Variants in PTK2 observed in about 807,000 individuals in gnomAD.
The protein encoded by PTK2 is focal adhesion kinase 1.
PTK2 carries 45 observed loss-of-function variants against 150.1 expected under a neutral mutation model. The ratio of observed to expected loss-of-function variants is 0.30; its 90% confidence interval spans 0.24 to 0.38. The LOEUF is 0.38. Ranked by LOEUF, PTK2 falls within the 10% of genes least tolerant of loss-of-function variation. PTK2 has a pLI of 1.00. For missense variants in PTK2, 919 were observed against 1,307.3 expected (o/e 0.70, Z 4.58); for synonymous variants, 432 against 449.2 (o/e 0.96, Z 0.48).
chr8:140,833,106 CAT>C (rs1479014212), intron 7 of PTK2: 1 of 516,284 alleles, frequency 1.9e-6, no homozygotes, highest in South Asian at 1.4e-5. Flanking sequence ...TGAAAGGAAG[CAT>C]ATGTTTTTTG....
chr8:140,968,009 CTTT>C (rs1006723441), intron 1 of PTK2, among the ~76,000 whole-genome samples: 1 of 152,140 alleles, frequency 6.6e-6, no homozygotes, highest in Non-Finnish European at 1.5e-5. Context: ...ACAAAAGCTT[CTTT>C]ATGCTTCAAA....
intron 23 of PTK2, among the ~76,000 whole-genome samples, chr8:140,710,101 G>A (rs192064955): frequency 9.2e-5 from 14 of 152,212 alleles, no homozygotes; most frequent in Admixed American, 2.6e-4. Context: ...ATTGCTTTGA[G>A]CTCAGGAGTT....
At chr8:140,672,210 A>T (rs759966410) in intron 29 of PTK2, 50 of 445,480 alleles carry the variant, frequency 1.1e-4, no homozygotes, top group Non-Finnish European at 2.1e-4. Context: ...TTCTTTTTTT[A>T]AAGAGATGGG....
intron 31 of PTK2, 35 bp downstream of exon 35, chr8:140,664,882 T>C: frequency 6.3e-7 from 1 of 1,591,834 alleles, no homozygotes; most frequent in Non-Finnish European, 8.6e-7. Context: ...CCCAGTGCTG[T>C]CACAGAGGGC....
intron 2 of PTK2, among the ~76,000 whole-genome samples, chr8:140,906,102 G>A (rs917106419): frequency 4.6e-5 from 7 of 150,590 alleles, no homozygotes; most frequent in Admixed American, 4.6e-4. Flanking sequence ...AAGGCCAATA[G>A]GTATATGGAA....
chr8:140,711,829 T>C (rs2100037049), intron 23 of PTK2, among the ~76,000 whole-genome samples: 1 of 152,216 alleles, frequency 6.6e-6, no homozygotes, highest in Non-Finnish European at 1.5e-5. Flanking sequence ...AAAAATGACT[T>C]TCCTTTTATT....
chr8:140,986,025 C>G (rs1034067123), intron 1 of PTK2, among the ~76,000 whole-genome samples: 2 of 152,196 alleles, frequency 1.3e-5, no homozygotes, highest in African/African-American at 2.4e-5. Context: ...TAGTGGTTTT[C>G]AAATGCAGAT....
At chr8:140,730,953 A>AC (rs10713091) in intron 22 of PTK2, among the ~76,000 whole-genome samples, 27,960 of 96,140 alleles carry the variant, frequency 0.29, 4,104 homozygotes, top group Non-Finnish European at 0.36. Context: ...ATTAAATTAA[A>AC]CCCCCCCCCC....
At chr8:140,799,264 G>C (rs896412071) in intron 12 of PTK2, 1 of 152,294 alleles carries the variant, frequency 6.6e-6, no homozygotes, top group African/African-American at 2.4e-5. Context: ...TTTGTAAACA[G>C]AGCACTTCCC....
intron 1 of PTK2, among the ~76,000 whole-genome samples, chr8:140,986,394 A>C (rs1484548704): frequency 6.6e-6 from 1 of 152,252 alleles, no homozygotes; most frequent in African/African-American, 2.4e-5. Flanking sequence ...CTAAAAGAAA[A>C]TATGGACAGA....
At chr8:140,894,762 G>A (rs1414413659) in intron 2 of PTK2, among the ~76,000 whole-genome samples, 9 of 152,216 alleles carry the variant, frequency 5.9e-5, no homozygotes, top group Non-Finnish European at 1.0e-4. Context: ...ACACATGGGA[G>A]AGGTGTGACC....
intron 14 of PTK2, among the ~76,000 whole-genome samples, chr8:140,789,082 G>C (rs2100086760): frequency 6.6e-6 from 1 of 152,060 alleles, no homozygotes; most frequent in African/African-American, 2.4e-5. Flanking sequence ...TATTGTGAAA[G>C]ACAAAAATTG....
chr8:140,950,353 G>A lies in PTK2; in HGVS notation c.-121-24604C>T, dbSNP rs73356548. ...TCTCCACTCTTCTGGGCGCCACCTC[G>A]TTCCCCTCATCCAGATGCGGGTTTC... On this transcript the variant is annotated intron_variant, in intron 1 of 31. Transcript: ENST00000522684. Among the ~76,000 whole-genome samples, 638 of 152,296 alleles carry A rather than the reference G, an allele frequency of 4.2e-3. 9 individuals carry two copies. The highest frequency in any genetic ancestry group is 0.014 in the African/African-American group (602 of 41,564).
At chr8:140,981,014 C>A (rs2100191206) in intron 1 of PTK2, among the ~76,000 whole-genome samples, 1 of 149,758 alleles carries the variant, frequency 6.7e-6, no homozygotes, top group African/African-American at 2.5e-5. Flanking sequence ...CCCACCTCGG[C>A]CTCCCAAAGT....
intron 15 of PTK2, among the ~76,000 whole-genome samples, chr8:140,763,573 C>T (rs895457473): frequency 6.6e-6 from 1 of 151,900 alleles, no homozygotes; most frequent in Non-Finnish European, 1.5e-5. Flanking sequence ...GGAGACTATA[C>T]ACTCCAACAT....
chr8:140,706,291 A>G, intron 23 of PTK2, 86 bp from the exon 27 acceptor site: 1 of 970,246 alleles, frequency 1.0e-6, no homozygotes, highest in Non-Finnish European at 1.6e-6. Flanking sequence ...CATTTTCCTA[A>G]TAGAGCTTAC....
intron 16 of PTK2, among the ~76,000 whole-genome samples, chr8:140,759,769 G>A (rs1373749018): frequency 6.6e-6 from 1 of 151,910 alleles, no homozygotes; most frequent in Non-Finnish European, 1.5e-5. Flanking sequence ...CTTGAGTTCA[G>A]AAAGTCGAGG....
chr8:140,659,758 T>C, intron 31 of PTK2, 80 bp from the exon 36 acceptor site: 1 of 1,281,036 alleles, frequency 7.8e-7, no homozygotes, highest in Non-Finnish European at 1.1e-6. Context: ...TCTTACTGTG[T>C]TGTCCAAGCT....
intron 10 of PTK2, among the ~76,000 whole-genome samples, chr8:140,815,461 A>G (rs758244839): frequency 1.3e-5 from 2 of 152,166 alleles, no homozygotes; most frequent in Non-Finnish European, 2.9e-5. Context: ...ATAACTAATC[A>G]GTACTAGGAT....
Sources: allele counts gnomAD v4.1 joint callset (sites outside exome capture counted in the v4.1 genomes callset), GRCh38; gene constraint gnomAD v4.1.1; transcripts MANE v1.5; gene names NCBI Gene and HGNC (gene_info 2026-07-23, HGNC 2026-07-21).